RASAL2: variants seen among roughly 807,000 people sequenced by gnomAD.
The protein encoded by RASAL2 is RAS protein activator like 2, also known as ras GTPase-activating protein nGAP.
Under a neutral mutation model 128.9 loss-of-function variants are expected in RASAL2, and 58 were observed. The observed-to-expected ratio is 0.45, with a 90% CI of 0.36 to 0.56. The LOEUF is 0.56. Ranked by LOEUF, RASAL2 falls within the 20% of genes least tolerant of loss-of-function variation. The pLI, the probability that RASAL2 is intolerant of heterozygous loss-of-function variation, is 0.00. For synonymous variants in RASAL2, 561 were observed against 580.8 expected (o/e 0.97, Z 0.49); for missense variants, 1,360 against 1,601.6 (o/e 0.85, Z 2.57).
At chr1:178,462,869 A>G (rs1647258554) in intron 14 of RASAL2, among the ~76,000 whole-genome samples, 2 of 152,192 alleles carry the variant, frequency 1.3e-5, no homozygotes, top group African/African-American at 4.8e-5. Flanking sequence ...TTTTATTGAT[A>G]TATAACTATA....
chr1:178,235,841 C>T (rs957112959), intron 1 of RASAL2, among the ~76,000 whole-genome samples: 2 of 151,932 alleles, frequency 1.3e-5, no homozygotes, highest in Non-Finnish European at 2.9e-5. Context: ...CAAAAGACTA[C>T]CAAATAACTG....
chr1:178,126,521 A>C (rs537503329), intron 1 of RASAL2, among the ~76,000 whole-genome samples: 1 of 152,218 alleles, frequency 6.6e-6, no homozygotes, highest in Non-Finnish European at 1.5e-5. Context: ...AAGAAACACC[A>C]TTCTTTTAGT....
At chr1:178,174,520 GGAA>G (rs1346028727) in intron 1 of RASAL2, among the ~76,000 whole-genome samples, 3 of 152,074 alleles carry the variant, frequency 2.0e-5, no homozygotes, top group Non-Finnish European at 2.9e-5. Flanking sequence ...AGAATCCTGT[GGAA>G]GAAGAAGAGT....
intron 1 of RASAL2, among the ~76,000 whole-genome samples, chr1:178,232,576 C>G (rs1486830814): frequency 6.6e-6 from 1 of 152,024 alleles, no homozygotes; most frequent in Non-Finnish European, 1.5e-5. Context: ...TTTTTAAATT[C>G]TTCATAGTGT....
At chr1:178,130,660 A>G (rs1362547138) in intron 1 of RASAL2, among the ~76,000 whole-genome samples, 1 of 152,240 alleles carries the variant, frequency 6.6e-6, no homozygotes, top group Non-Finnish European at 1.5e-5. Flanking sequence ...GGGAAACAAA[A>G]TAAACAAACC....
chr1:178,146,672 T>C (rs534979702), intron 1 of RASAL2, among the ~76,000 whole-genome samples: 68 of 152,364 alleles, frequency 4.5e-4, no homozygotes, highest in South Asian at 1.0e-3. Flanking sequence ...CCTGCTGCTG[T>C]CTTTGGCATT....
chr1:178,240,515 G>A (rs564369487), intron 1 of RASAL2, among the ~76,000 whole-genome samples: 1 of 151,450 alleles, frequency 6.6e-6, no homozygotes, highest in Admixed American at 6.6e-5. Context: ...AGAATATAAA[G>A]GGATGTTTTA....
rs543277084 is a variant in RASAL2, at chr1:178,450,339, C to T, written c.1628-1232C>T. ...GCTGAAACTCAGACGAATTAAGTGA[C>T]TTTTCCAGGCCCCACAGTCAGTTAA... On this transcript the variant is annotated intron_variant, in intron 9 of 17. Transcript: ENST00000367649. 4.1e-4 allele frequency among the ~76,000 whole-genome samples: 63 copies of T among 152,210 alleles called. 1 individual carries two copies. In the South Asian group the frequency reaches 0.013, roughly 31 times the overall value.
chr1:178,168,056 G>A (rs141065996), intron 1 of RASAL2, among the ~76,000 whole-genome samples: 40 of 152,144 alleles, frequency 2.6e-4, no homozygotes, highest in African/African-American at 5.8e-4. Flanking sequence ...CTGAGGGTTA[G>A]CTTGATTCAT....
At chr1:178,337,004 T>C (rs1324146451) in intron 3 of RASAL2, among the ~76,000 whole-genome samples, 1 of 152,140 alleles carries the variant, frequency 6.6e-6, no homozygotes, top group African/African-American at 2.4e-5. Context: ...CCTTAGTTTC[T>C]CAACTCAATA....
At chr1:178,363,206 A>G (rs1173768373) in intron 3 of RASAL2, among the ~76,000 whole-genome samples, 1 of 152,116 alleles carries the variant, frequency 6.6e-6, no homozygotes, top group African/African-American at 2.4e-5. Context: ...TAGCCATCCT[A>G]AAAGGGGTGA....
At chr1:178,433,929 A>C (rs1243732288) in intron 5 of RASAL2, among the ~76,000 whole-genome samples, 2 of 151,952 alleles carry the variant, frequency 1.3e-5, no homozygotes, top group Non-Finnish European at 2.9e-5. Context: ...AAAAAAAAAA[A>C]GTCAGTGTTA....
chr1:178,215,661 T>C (rs1323675458), intron 1 of RASAL2, among the ~76,000 whole-genome samples: 2 of 152,234 alleles, frequency 1.3e-5, no homozygotes, highest in Admixed American at 1.3e-4. Context: ...AGATAGTTTC[T>C]TCTCCCTAGC....
chr1:178,283,997 A>G (rs1666907509), intron 2 of RASAL2, among the ~76,000 whole-genome samples: 1 of 152,184 alleles, frequency 6.6e-6, no homozygotes, highest in Admixed American at 6.5e-5. Context: ...TCGAGGGGCC[A>G]TTGGGAATTA....
intron 12 of RASAL2, among the ~76,000 whole-genome samples, chr1:178,454,972 T>C (rs141641293): frequency 1.3e-4 from 20 of 152,256 alleles, no homozygotes; most frequent in African/African-American, 4.6e-4. Context: ...GCATGTCTAA[T>C]AGGATAAGAT....
intron 1 of RASAL2, among the ~76,000 whole-genome samples, chr1:178,182,882 G>A (rs570893076): frequency 2.0e-5 from 3 of 152,112 alleles, no homozygotes; most frequent in South Asian, 2.1e-4. Flanking sequence ...AAATGGTTTC[G>A]GGATCAAACT....
At chr1:178,248,873 C>G (rs2102076431) in intron 1 of RASAL2, among the ~76,000 whole-genome samples, 1 of 152,334 alleles carries the variant, frequency 6.6e-6, no homozygotes, top group South Asian at 2.1e-4. Context: ...GGCCCCCACT[C>G]TCTTCTGGCT....
intron 1 of RASAL2, among the ~76,000 whole-genome samples, chr1:178,252,220 G>A (rs1159141795): frequency 1.3e-5 from 2 of 152,034 alleles, no homozygotes; most frequent in South Asian, 2.1e-4. Flanking sequence ...ATAAAATTAT[G>A]TGGAAAAATA....
chr1:178,357,286 G>A (rs573813871), intron 3 of RASAL2, among the ~76,000 whole-genome samples: 6 of 149,748 alleles, frequency 4.0e-5, no homozygotes, highest in Admixed American at 6.7e-5. Context: ...GTCTTTATCC[G>A]GAATTTATTT....
Sources: gnomAD v4.1 joint callset for allele counts (sites outside exome capture counted in the v4.1 genomes callset) on GRCh38, gnomAD v4.1.1 for gene constraint, MANE v1.5 for transcripts, NCBI Gene and HGNC (gene_info 2026-07-23, HGNC 2026-07-21) for gene names.